The following PSIP1 variants were observed in gnomAD, a reference collection of about 807,000 sequenced individuals.
The protein encoded by PSIP1 is PC4 and SFRS1-interacting protein.
PSIP1 carries 19 observed loss-of-function variants against 74.7 expected under a neutral mutation model. That is an observed-to-expected ratio of 0.25 (90% confidence interval 0.18 to 0.37). The LOEUF is 0.37. Among genes scored for constraint, PSIP1 ranks in the 10% least tolerant of loss-of-function variants. The pLI is 1.00. For missense variants in PSIP1, 601 were observed against 614.3 expected, an observed-to-expected ratio of 0.98 and a Z score of 0.23; for synonymous variants, 222 against 195.3, an observed-to-expected ratio of 1.14 and a Z score of -1.14.
chr9:15,507,962 G>A (rs1332139929), intron 2 of PSIP1, among the ~76,000 whole-genome samples: 1 of 152,162 alleles, frequency 6.6e-6, no homozygotes, highest in Admixed American at 6.5e-5. Context: ...CCCGATAATT[G>A]CAAAAATCCT....
intron 2 of PSIP1, among the ~76,000 whole-genome samples, chr9:15,509,915 T>C (rs752498126): frequency 5.9e-5 from 9 of 152,158 alleles, no homozygotes; most frequent in Non-Finnish European, 1.0e-4. Context: ...CATAGGGAAA[T>C]ACACAGGTAT....
At chr9:15,472,869 T>G in intron 9 of PSIP1, 119 bp from the exon 10 acceptor site, 1 of 884,518 alleles carries the variant, frequency 1.1e-6, no homozygotes, top group Non-Finnish European at 1.8e-6. Context: ...AATACTCAAA[T>G]TAGCAACCTA....
intron 2 of PSIP1, 70 bp downstream of exon 2, chr9:15,510,047 G>C: frequency 1.4e-6 from 2 of 1,426,382 alleles, no homozygotes; most frequent in Non-Finnish European, 1.9e-6. Context: ...AAAATAAAGA[G>C]ACACGGTGGG....
rs760754705 is a variant in PSIP1 at position 15,485,989 on chromosome 9, T to C, written c.456+17A>G. 1 of 1,585,564 alleles carries C rather than the reference T, an allele frequency of 6.3e-7. No homozygotes were observed. Among genetic ancestry groups the C allele is most frequent in the Non-Finnish European group, 8.7e-7 (1 of 1,155,884 alleles). The stretch of plus-strand genomic sequence containing the variant: ...ATTCTTTTCAGATCCCCATGGTTGG[T>C]AAGTCAGTGAAATTACCTTTCTCTT... On this transcript the variant is annotated intron_variant, in intron 6 of 15. Transcript: ENST00000380733.
In PSIP1 at chr9:15,485,914, A is replaced by C; in HGVS notation, c.456+92T>G. 6.9e-6 allele frequency: 8 copies of C among 1,162,924 alleles called. No homozygotes were observed. The South Asian group carries it at 1.1e-4, about 16-fold the overall frequency. The allele number at this position is 1,162,924 out of a possible 1,614,324, so 72.0% of individuals were successfully genotyped here. A position where few individuals can be genotyped will look rare whatever the true frequency, so the allele number is the denominator to read the frequency against. ...TTAAAGGGTTTAGAATAAAAGCTGAAATTTAAGGTTTCATTGTATCTACTC... is the reference window on the plus strand; with the variant it reads ...TTAAAGGGTTTAGAATAAAAGCTGACATTTAAGGTTTCATTGTATCTACTC... On this transcript the variant is annotated intron_variant, in intron 6 of 15. Transcript: ENST00000380733.
At chr9:15,509,139 C>T (rs1484024327) in intron 2 of PSIP1, among the ~76,000 whole-genome samples, 1 of 152,160 alleles carries the variant, frequency 6.6e-6, no homozygotes, top group East Asian at 1.9e-4. Context: ...ACTAAAACTA[C>T]AGAATTTAAT....
chr9:15,472,535 A>C, intron 10 of PSIP1, 97 bp downstream of exon 10: 1 of 1,480,522 alleles, frequency 6.8e-7, no homozygotes, highest in Non-Finnish European at 8.9e-7. Context: ...CTTCTTCAAA[A>C]GGCTTCATAA....
chr9:15,469,164 G>T, intron 12 of PSIP1, 102 bp downstream of exon 12: 1 of 1,327,240 alleles, frequency 7.5e-7, no homozygotes, highest in Non-Finnish European at 1.1e-6. Context: ...AAAATGACCA[G>T]TAATTATCCC....
intron 3 of PSIP1, among the ~76,000 whole-genome samples, chr9:15,497,861 C>T (rs569377924): frequency 4.4e-4 from 67 of 152,272 alleles, no homozygotes; most frequent in African/African-American, 1.5e-3. Flanking sequence ...TTTCAGCCCA[C>T]TTATTTGTAT....
At chr9:15,493,735 A>G (rs2036944408) in intron 3 of PSIP1, among the ~76,000 whole-genome samples, 1 of 152,228 alleles carries the variant, frequency 6.6e-6, no homozygotes, top group East Asian at 1.9e-4. Flanking sequence ...GGGAAATGCC[A>G]GACACTTATG....
intron 8 of PSIP1, among the ~76,000 whole-genome samples, chr9:15,475,958 G>A (rs1309679834): frequency 6.6e-6 from 1 of 152,134 alleles, no homozygotes; most frequent in Non-Finnish European, 1.5e-5. Context: ...AAACATTTCT[G>A]AGGATTATGA....
At chr9:15,471,246 C>T in intron 10 of PSIP1, 1 of 1,596,914 alleles carries the variant, frequency 6.3e-7, no homozygotes. Context: ...GAATACAATA[C>T]AATAAACTTT....
At chr9:15,479,209 T>TG in intron 7 of PSIP1, among the ~76,000 whole-genome samples, 1 of 152,108 alleles carries the variant, frequency 6.6e-6, no homozygotes, top group East Asian at 1.9e-4. Flanking sequence ...AAAATCCCTA[T>TG]CAATAAAGAA....
chr9:15,486,872 A>C lies in PSIP1; in HGVS notation c.348T>G (p.Ser116Arg), dbSNP rs2821529. 1.2e-6 allele frequency: 2 copies of C among 1,612,320 alleles called. No individual in the cohort carries two copies. Among genetic ancestry groups the C allele is most frequent in the East Asian group, 4.5e-5 (2 of 44,734 alleles). The change falls in exon 5 of 16, where the codon AGT (serine) becomes AGG (arginine). Residue 116 changes from serine (S) to arginine (R), a missense_variant. Transcript: ENST00000380733. ...SDVEVEEKET[S>R]VSKEDTDHEE... Reference sequence around the variant, plus strand: ...CATGGTCGGTATCTTCCTTTGAAACACTAGTTTCCTTTTCTTCAACTTCAA... The same window carrying C: ...CATGGTCGGTATCTTCCTTTGAAACCCTAGTTTCCTTTTCTTCAACTTCAA...
At position 15,497,320 on chromosome 9, in the gene PSIP1, G is replaced by C. The variant is rs56229158; in HGVS notation, c.150-7196C>G. 3.5e-5 allele frequency among the ~76,000 whole-genome samples: 4 copies of C among 114,484 alleles called. No individual in the cohort carries two copies. In the East Asian group the frequency reaches 8.7e-4, roughly 25 times the overall value. The allele number at this position is 114,484 out of a possible 152,430, so 75.1% of individuals were successfully genotyped here. On this transcript the variant is annotated intron_variant, in intron 3 of 15. Coordinates refer to ENST00000380733, the MANE Select transcript of PSIP1 (RefSeq NM_033222.5). ...AGCCACTGAAGACCACACGTTCTAT[G>C]ATTCCTTTTTTTTTTTTTTTTGAGA...
chr9:15,490,653 A>G (rs2036786656), intron 3 of PSIP1, among the ~76,000 whole-genome samples: 1 of 143,686 alleles, frequency 7.0e-6, no homozygotes, highest in Non-Finnish European at 1.5e-5. Context: ...ACTGCACTCC[A>G]GCCTGGGTGA....
chr9:15,488,668 C>G (rs2036666473), intron 4 of PSIP1, among the ~76,000 whole-genome samples: 1 of 152,124 alleles, frequency 6.6e-6, no homozygotes, highest in East Asian at 1.9e-4. Context: ...GGGCAGATCA[C>G]AAGGTCAGAA....
intron 15 of PSIP1, chr9:15,465,878 A>G (rs1278907226): frequency 3.4e-6 from 1 of 290,454 alleles, no homozygotes. Flanking sequence ...AATTCTCTTT[A>G]AAGAACATGA....
intron 7 of PSIP1, 36 bp downstream of exon 7, chr9:15,479,555 C>G (rs948292796): frequency 6.6e-7 from 1 of 1,511,984 alleles, no homozygotes; most frequent in African/African-American, 1.4e-5. Flanking sequence ...ATATTAATCA[C>G]AAGCCAAACA....
Sources: gnomAD v4.1 joint callset for allele counts (sites outside exome capture counted in the v4.1 genomes callset) on GRCh38, gnomAD v4.1.1 for gene constraint, MANE v1.5 for transcripts, NCBI Gene and HGNC (gene_info 2026-07-23, HGNC 2026-07-21) for gene names.